The following API5 variants were observed in gnomAD, a reference collection of about 807,000 sequenced individuals.
API5 encodes the protein FIF.
Under a neutral mutation model 71.9 loss-of-function variants are expected in API5, and 6 were observed. The observed-to-expected ratio is 0.08, with a 90% confidence interval of 0.05 to 0.16. The LOEUF is 0.16. Ranked by LOEUF, API5 falls within the 10% of genes least tolerant of loss-of-function variation. API5 has a pLI of 1.00. For missense variants in API5, 332 were observed against 612.8 expected, an observed-to-expected ratio of 0.54 and a Z score of 4.84; for synonymous variants, 189 against 221.3, an observed-to-expected ratio of 0.85 and a Z score of 1.30.
At position 43,320,203 on chromosome 11, in the gene API5, G is replaced by A. The variant is rs923504445; in HGVS notation, c.232-618G>A. ...TGGGACTATAGGCGTGTGCCACCAC[G>A]CCTGGCTAATTTTTGTATTTTTAGT... On this transcript the variant is annotated intron_variant, in intron 2 of 13. Transcript: ENST00000531273. 4.0e-5 allele frequency among the ~76,000 whole-genome samples: 6 copies of A among 151,742 alleles called. No homozygotes were observed. In the South Asian group the frequency reaches 8.3e-4, roughly 21 times the overall value.
rs1407803080 is a variant in API5 at position 43,326,703 on chromosome 11, G to T, written c.855+92G>T. 3 of 754,676 alleles carry T rather than the reference G, an allele frequency of 4.0e-6. No homozygotes were observed. In the Admixed American group the frequency reaches 6.5e-5, roughly 16 times the overall value. 46.7% of individuals were successfully genotyped at this position (754,676 alleles called of 1,614,324 possible). A position where few individuals can be genotyped will look rare whatever the true frequency, so the allele number is the denominator to read the frequency against. ...TAACTTAGATCCGATTTCTAAGGGA[G>T]CAGTTTAAATGTCTGGTAATGGCCA... On this transcript the variant is annotated intron_variant, in intron 7 of 13. Coordinates refer to ENST00000531273, the MANE Select transcript of API5 (RefSeq NM_001142930.2).
intron 13 of API5, among the ~76,000 whole-genome samples, chr11:43,337,869 A>C (rs916715499): frequency 1.3e-5 from 2 of 152,176 alleles, no homozygotes; most frequent in African/African-American, 4.8e-5. Context: ...ATTGTGTAAA[A>C]CTCATTGCCT....
At chr11:43,318,823 C>T (rs1854766602) in intron 2 of API5, 22 bp downstream of exon 2, 1 of 1,602,040 alleles carries the variant, frequency 6.2e-7, no homozygotes, top group South Asian at 1.1e-5. Context: ...AATGACACTT[C>T]ATAGCAATCT....
intron 6 of API5, among the ~76,000 whole-genome samples, chr11:43,325,404 G>C (rs6485417): frequency 2.6e-5 from 4 of 152,194 alleles, no homozygotes; most frequent in African/African-American, 9.6e-5. Flanking sequence ...ATTTTAAGAA[G>C]GGACAAGACA....
chr11:43,315,038 A>G (rs1271449063), intron 1 of API5, among the ~76,000 whole-genome samples: 2 of 152,186 alleles, frequency 1.3e-5, no homozygotes, highest in Non-Finnish European at 2.9e-5. Context: ...CTGTCTGGAT[A>G]CTTCTGAGAC....
chr11:43,334,264 A>G (rs1855355276), intron 11 of API5, among the ~76,000 whole-genome samples: 1 of 152,172 alleles, frequency 6.6e-6, no homozygotes, highest in Non-Finnish European at 1.5e-5. Flanking sequence ...TTTTATTTTA[A>G]TGAATCCCCA....
chr11:43,330,276 A>G (rs1855209581), intron 10 of API5: 4 of 611,866 alleles, frequency 6.5e-6, no homozygotes, highest in African/African-American at 5.6e-5. Flanking sequence ...TTTTTTAGCT[A>G]CATTCTAACC....
chr11:43,324,698 G>C (rs759574469), intron 6 of API5, among the ~76,000 whole-genome samples: 7 of 151,662 alleles, frequency 4.6e-5, no homozygotes, highest in Non-Finnish European at 1.5e-5. Context: ...TTATTTATGA[G>C]ACAGAGTCTC....
At chr11:43,319,613 A>G (rs972951601) in intron 2 of API5, among the ~76,000 whole-genome samples, 2 of 152,052 alleles carry the variant, frequency 1.3e-5, no homozygotes, top group Admixed American at 1.3e-4. Context: ...GGGTCTTGCC[A>G]TGTTGTCCAG....
chr11:43,328,655 G>C, intron 8 of API5, 57 bp from the exon 9 acceptor site: 2 of 1,478,358 alleles, frequency 1.4e-6, no homozygotes, highest in Admixed American at 1.8e-5. Flanking sequence ...CTGAATATCT[G>C]TTTATAATTT....
At chr11:43,316,142 A>G (rs938075925) in intron 1 of API5, among the ~76,000 whole-genome samples, 1 of 152,080 alleles carries the variant, frequency 6.6e-6, no homozygotes, top group Non-Finnish European at 1.5e-5. Flanking sequence ...TTGTATGATT[A>G]AGCTAAAACC....
At chr11:43,328,984 C>T in intron 9 of API5, 91 bp downstream of exon 9, 1 of 1,299,648 alleles carries the variant, frequency 7.7e-7, no homozygotes, top group Non-Finnish European at 1.1e-6. Context: ...TGAGAGCTCC[C>T]CATCCTGCCT....
intron 3 of API5, 25 bp from the exon 4 acceptor site, chr11:43,321,386 A>G (rs1565102680): frequency 2.0e-5 from 32 of 1,579,718 alleles, no homozygotes; most frequent in Non-Finnish European, 2.7e-5. Context: ...TTTTATATTC[A>G]TTATGCCACT....
chr11:43,324,437 T>C (rs981086892), intron 6 of API5, among the ~76,000 whole-genome samples: 6 of 152,136 alleles, frequency 3.9e-5, no homozygotes, highest in Non-Finnish European at 8.8e-5. Context: ...ATACATTCAT[T>C]TGAAAAACAC....
At chr11:43,326,371 G>A (rs534505236) in intron 6 of API5, 136 bp from the exon 7 acceptor site, 1 of 552,646 alleles carries the variant, frequency 1.8e-6, no homozygotes, top group South Asian at 2.6e-5. Flanking sequence ...GGGGCATGCT[G>A]GGGTGTGCAC....
Position 43,321,489 on chromosome 11 carries a change from C to G in API5, c.391+13C>G. ...ATGGATGCAAAAGGTAAGGCCAGTT[C>G]TTATTCTGAATTGTGTTTGATGTCT... On this transcript the variant is annotated intron_variant, in intron 4 of 13. Coordinates refer to ENST00000531273, the MANE Select transcript of API5 (RefSeq NM_001142930.2). 6.3e-7 allele frequency: 1 copy of G among 1,588,036 alleles called. No individual in the cohort carries two copies. Among genetic ancestry groups the G allele is most frequent in the South Asian group, 1.1e-5 (1 of 89,534 alleles).
intron 5 of API5, 103 bp downstream of exon 5, chr11:43,322,239 TATATC>T (rs1326643044): frequency 3.6e-5 from 41 of 1,125,074 alleles, no homozygotes; most frequent in African/African-American, 7.9e-5. Context: ...TATAAAATGA[TATATC>T]ATATATCCCA....
intron 7 of API5, 85 bp downstream of exon 7, chr11:43,326,696 T>C: frequency 5.1e-6 from 4 of 780,870 alleles, no homozygotes; most frequent in Non-Finnish European, 8.7e-6. Context: ...ATCCGATTTC[T>C]AAGGGAGCAG....
intron 1 of API5, among the ~76,000 whole-genome samples, chr11:43,313,453 CTT>C (rs1375417086): frequency 6.6e-5 from 10 of 152,106 alleles, no homozygotes; most frequent in Non-Finnish European, 1.3e-4. Context: ...GCGCTTAGAA[CTT>C]TGTGATTTTT....
Sources: allele counts gnomAD v4.1 joint callset (sites outside exome capture counted in the v4.1 genomes callset), GRCh38; gene constraint gnomAD v4.1.1; transcripts MANE v1.5; gene names NCBI Gene and HGNC (gene_info 2026-07-23, HGNC 2026-07-21).